Variants in TPH2 observed in about 807,000 individuals in gnomAD.
TPH2 encodes tryptophan hydroxylase 2, also known as tryptophan 5-hydroxylase 2.
A neutral mutation model predicts 59.1 loss-of-function variants in TPH2; 27 were observed. The observed-to-expected ratio is 0.46, with a 90% confidence interval of 0.34 to 0.63. TPH2 has a LOEUF of 0.63. TPH2 is among the 30% of genes least tolerant of loss of function. The probability of loss-of-function intolerance (pLI) is 0.01; values close to 1 mark genes in which losing one functional copy is unlikely to be tolerated. For missense variants in TPH2, 523 were observed against 588.3 expected (o/e 0.89, Z 1.15); for synonymous variants, 220 against 210.5 (o/e 1.05, Z -0.39).
chr12:71,984,134 T>C lies in TPH2; in HGVS notation c.941+5047T>C, dbSNP rs11829559. Among the ~76,000 whole-genome samples, 338 of 152,312 alleles carry C rather than the reference T, an allele frequency of 2.2e-3. 4 individuals are homozygous for C. The highest frequency in any genetic ancestry group is 7.7e-3 in the African/African-American group (318 of 41,562). On this transcript the variant is annotated intron_variant, in intron 7 of 10. Transcript: ENST00000333850. ...AAGTGACTAATATTGCAACTTATAT[T>C]GCCATAATACAATGAAATACATTTG...
intron 6 of TPH2, 100 bp from the exon 7 acceptor site, chr12:71,978,852 T>C: frequency 6.7e-7 from 1 of 1,488,984 alleles, no homozygotes; most frequent in Non-Finnish European, 9.4e-7. Context: ...CCTTGATTAC[T>C]TTGTTTCTGG....
At chr12:71,971,852 A>G (rs1871981330) in intron 5 of TPH2, among the ~76,000 whole-genome samples, 1 of 152,260 alleles carries the variant, frequency 6.6e-6, no homozygotes, top group Non-Finnish European at 1.5e-5. Context: ...GACAGAGACC[A>G]TATGACCCAC....
intron 8 of TPH2, among the ~76,000 whole-genome samples, chr12:72,004,262 C>A (rs1219008951): frequency 6.6e-6 from 1 of 150,576 alleles, no homozygotes; most frequent in African/African-American, 2.4e-5. Context: ...TATATTACCT[C>A]TTTTTGTCTC....
In TPH2 at chr12:72,010,109, C is replaced by T. The variant is rs546506023; in HGVS notation, c.1069-12290C>T. 3.3e-5 allele frequency among the ~76,000 whole-genome samples: 5 copies of T among 152,280 alleles called. No homozygotes were observed. In the East Asian group the frequency reaches 7.7e-4, roughly 23 times the overall value. ...CCTAAAACTCAGAATGGTTAGATAA[C>T]GTCTCCAAGGTCAAGTAAATGGCAG... On this transcript the variant is annotated intron_variant, in intron 8 of 10. Coordinates refer to ENST00000333850, the MANE Select transcript of TPH2 (RefSeq NM_173353.4).
Position 71,941,580 on chromosome 12 carries a change from G to A in TPH2, c.106-4G>A. On this transcript the variant is annotated splice_polypyrimidine_tract_variant and splice_region_variant and intron_variant, in intron 1 of 10. Transcript: ENST00000333850. ...TGTTTTATTATGCTTCGACATTCCT[G>A]AAGCTAAATAAACCTAACTCTGGCA... The A allele has an allele frequency of 6.2e-7, 1 of 1,613,664 alleles. No individual in the cohort carries two copies. Among genetic ancestry groups the A allele is most frequent in the Non-Finnish European group, 8.5e-7 (1 of 1,179,792 alleles).
chr12:71,974,502 C>T (rs190110181), intron 6 of TPH2, among the ~76,000 whole-genome samples: 3 of 149,414 alleles, frequency 2.0e-5, no homozygotes, highest in Admixed American at 1.4e-4. Context: ...CCTTCTCTGA[C>T]TCTGACCCTT....
intron 7 of TPH2, among the ~76,000 whole-genome samples, chr12:71,991,926 G>T (rs1490000264): frequency 1.1e-4 from 16 of 152,258 alleles, no homozygotes; most frequent in Non-Finnish European, 4.4e-5. Flanking sequence ...AGAGTCATCA[G>T]TTATCACAGT....
At chr12:71,967,890 T>C (rs1871861344) in intron 5 of TPH2, among the ~76,000 whole-genome samples, 1 of 152,202 alleles carries the variant, frequency 6.6e-6, no homozygotes, top group African/African-American at 2.4e-5. Flanking sequence ...AAAATATTAA[T>C]CTCAAACTTG....
At chr12:72,008,603 G>A (rs1269101264) in intron 8 of TPH2, among the ~76,000 whole-genome samples, 1 of 152,164 alleles carries the variant, frequency 6.6e-6, no homozygotes, top group African/African-American at 2.4e-5. Flanking sequence ...CACACATTCG[G>A]TGCTTAATAC....
intron 7 of TPH2, among the ~76,000 whole-genome samples, chr12:71,983,207 C>T (rs1592397750): frequency 2.0e-5 from 3 of 152,232 alleles, no homozygotes; most frequent in Non-Finnish European, 1.5e-5. Context: ...TGCATTAATG[C>T]CTGGATTGAA....
chr12:72,007,954 CATTT>C (rs1210682044), intron 8 of TPH2, among the ~76,000 whole-genome samples: 1 of 152,092 alleles, frequency 6.6e-6, no homozygotes, highest in East Asian at 1.9e-4. Flanking sequence ...ATGGCCCATT[CATTT>C]ATTCATTAAG....
intron 8 of TPH2, among the ~76,000 whole-genome samples, chr12:72,018,579 A>T (rs1835638088): frequency 6.6e-6 from 1 of 152,128 alleles, no homozygotes; most frequent in Admixed American, 6.5e-5. Flanking sequence ...TAATAGGCTG[A>T]CCCAAACGCT....
In TPH2 at chr12:72,031,542, C is replaced by T; in HGVS notation, c.1320C>T (p.Thr440=). 1.2e-6 allele frequency: 2 copies of T among 1,613,540 alleles called. No individual in the cohort carries two copies. Among genetic ancestry groups the T allele is most frequent in the Non-Finnish European group, 1.7e-6 (2 of 1,179,654 alleles). Residue 440 remains threonine (T), a synonymous_variant, in exon 11 of 11, where the codon ACC becomes ACT. Transcript: ENST00000333850. ...GCAGGGACTTTGCAAAGTCAATTAC[C>T]CGTCCCTTCTCAGTATACTTCAATC... is the stretch of plus-strand genomic sequence containing the variant. ...EKMRDFAKSI[T]RPFSVYFNPY... is the part of the protein sequence containing the mutation.
intron 7 of TPH2, among the ~76,000 whole-genome samples, chr12:71,985,049 T>A (rs1300974937): frequency 2.0e-5 from 3 of 152,238 alleles, no homozygotes; most frequent in African/African-American, 7.2e-5. Flanking sequence ...ACAGGTTTAC[T>A]GTTAATAGCA....
chr12:71,979,441 A>G lies in TPH2; in HGVS notation c.941+354A>G, dbSNP rs1474392659. On this transcript the variant is annotated intron_variant, in intron 7 of 10. Coordinates refer to ENST00000333850, the MANE Select transcript of TPH2 (RefSeq NM_173353.4). ...GCTCTCTCATTAGGAGGCCTCTTTCATGTGAAGGAGGTTCATGTACACACA... is the reference window on the plus strand; with the variant it reads ...GCTCTCTCATTAGGAGGCCTCTTTCGTGTGAAGGAGGTTCATGTACACACA... Among the ~76,000 whole-genome samples, 4 of 152,312 alleles carry G rather than the reference A, an allele frequency of 2.6e-5. No individual in the cohort carries two copies. In the East Asian group the frequency reaches 7.7e-4, roughly 29 times the overall value.
chr12:71,986,812 A>G (rs913677286), intron 7 of TPH2, among the ~76,000 whole-genome samples: 2 of 152,106 alleles, frequency 1.3e-5, no homozygotes, highest in Non-Finnish European at 2.9e-5. Context: ...GAGGTTCATT[A>G]TGTATTTTCA....
chr12:71,952,310 CA>C (rs955361869), intron 5 of TPH2, among the ~76,000 whole-genome samples: 5 of 151,988 alleles, frequency 3.3e-5, no homozygotes, highest in Admixed American at 1.3e-4. Flanking sequence ...GACATTTACA[CA>C]AAAGAGGGCT....
At chr12:71,970,751 A>G (rs1871949708) in intron 5 of TPH2, among the ~76,000 whole-genome samples, 1 of 152,232 alleles carries the variant, frequency 6.6e-6, no homozygotes, top group Non-Finnish European at 1.5e-5. Flanking sequence ...AGAAGCCTTG[A>G]TCTTCCCAGC....
chr12:71,971,767 A>G (rs571658314), intron 5 of TPH2, among the ~76,000 whole-genome samples: 1 of 152,320 alleles, frequency 6.6e-6, no homozygotes, highest in East Asian at 1.9e-4. Flanking sequence ...GACAATTTTT[A>G]TTAAAATACA....
Sources: allele counts gnomAD v4.1 joint callset (sites outside exome capture counted in the v4.1 genomes callset), GRCh38; gene constraint gnomAD v4.1.1; transcripts MANE v1.5; gene names NCBI Gene and HGNC (gene_info 2026-07-23, HGNC 2026-07-21).